STYXL2: variants seen among roughly 807,000 people sequenced by gnomAD.
The protein encoded by STYXL2 is serine/threonine/tyrosine interacting like 2, also known as serine/threonine/tyrosine-interacting-like protein 2.
STYXL2 carries 44 observed loss-of-function variants against 52.4 expected under a neutral mutation model. The ratio of observed to expected loss-of-function variants is 0.84; its 90% CI spans 0.66 to 1.08. STYXL2 has a LOEUF of 1.08. STYXL2 is among the 50% of genes least tolerant of loss of function. The pLI, the probability that STYXL2 is intolerant of heterozygous loss-of-function variation, is 0.00. For synonymous variants in STYXL2, 604 were observed against 586.9 expected, an observed-to-expected ratio of 1.03 and a Z score of -0.42; for missense variants, 1,604 against 1,471.7, an observed-to-expected ratio of 1.09 and a Z score of -1.47.
At chr1:167,125,021 A>T (rs1667933784) in intron 5 of STYXL2, among the ~76,000 whole-genome samples, 2 of 152,160 alleles carry the variant, frequency 1.3e-5, no homozygotes, top group African/African-American at 4.8e-5. Context: ...GTAAGGGAAC[A>T]TGAGAAGATG....
In STYXL2 at chr1:167,126,328, A is replaced by C; in HGVS notation, c.1197A>C (p.Arg399=). ...VERIIQEWQS[R]NERYQAEGYR... The stretch of plus-strand genomic sequence containing the variant: ...GGATCATCCAGGAGTGGCAGAGCCG[A>C]AACGAGAGGTACCAAGCAGAAGGGT... Residue 399 remains arginine, a synonymous_variant, in exon 6 of 6, where the codon CGA becomes CGC. Transcript: ENST00000361200. The C allele has an allele frequency of 1.3e-6, 2 of 1,520,922 alleles. No individual in the cohort carries two copies. The highest frequency in any genetic ancestry group is 1.8e-6 in the Non-Finnish European group (2 of 1,131,424). The allele number at this position is 1,520,922 out of a possible 1,614,324, so 94.2% of individuals were successfully genotyped here. A position where few individuals can be genotyped will look rare whatever the true frequency, so the allele number is the denominator to read the frequency against.
In STYXL2 at chr1:167,127,954, C is replaced by A; in HGVS notation, c.2823C>A (p.Gly941=). The A allele has an allele frequency of 6.2e-7, 1 of 1,614,130 alleles. No homozygotes were observed. The highest frequency in any genetic ancestry group is 8.5e-7 in the Non-Finnish European group (1 of 1,180,012). ...MDSSINKWLS[G]LRTEEKPPFQ... The stretch of plus-strand genomic sequence containing the variant: ...GCAGTATTAATAAGTGGCTCAGTGG[C>A]CTCAGGACGGAGGAAAAACCTCCTT... Residue 941 remains glycine (G), a synonymous_variant, in exon 6 of 6, where the codon GGC becomes GGA. Coordinates refer to ENST00000361200, the MANE Select transcript of STYXL2 (RefSeq NM_001080426.3).
At chr1:167,115,019 G>A (rs759641887) in intron 3 of STYXL2, among the ~76,000 whole-genome samples, 62 of 152,080 alleles carry the variant, frequency 4.1e-4, no homozygotes, top group Non-Finnish European at 7.6e-4. Flanking sequence ...TTCTTGATAA[G>A]TAAAAGTCCA....
intron 2 of STYXL2, among the ~76,000 whole-genome samples, chr1:167,105,167 CT>C (rs931811175): frequency 2.0e-5 from 3 of 150,946 alleles, no homozygotes; most frequent in Non-Finnish European, 2.9e-5. Flanking sequence ...TCCTTCCTTC[CT>C]TTTTTTCTGT....
chr1:167,128,297 G>A lies in STYXL2; in HGVS notation c.3166G>A (p.Glu1056Lys). The A allele has an allele frequency of 6.2e-7, 1 of 1,614,054 alleles. No individual in the cohort carries two copies. Among genetic ancestry groups the A allele is most frequent in the Non-Finnish European group, 8.5e-7 (1 of 1,179,938 alleles). The change falls in exon 6 of 6, where the codon GAA (glutamate) becomes AAA (lysine). Residue 1056 changes from glutamate to lysine, a missense_variant. Glu to Lys is a moderately conservative substitution (Grantham distance 56). Transcript: ENST00000361200. ...PESSEREESP[E>K]PQRPNWARSR... Reference sequence around the variant, plus strand: ...GTCCTCAGAAAGGGAAGAGTCCCCAGAACCACAGCGCCCAAATTGGGCCAG... The same window carrying A: ...GTCCTCAGAAAGGGAAGAGTCCCCAAAACCACAGCGCCCAAATTGGGCCAG...
intron 2 of STYXL2, among the ~76,000 whole-genome samples, chr1:167,105,227 G>A (rs993613126): frequency 6.9e-6 from 1 of 144,612 alleles, no homozygotes; most frequent in African/African-American, 2.8e-5. Context: ...CCACTGAATT[G>A]ATTTTATGAT....
chr1:167,122,335 C>T (rs1250943057), intron 5 of STYXL2, among the ~76,000 whole-genome samples: 4 of 152,142 alleles, frequency 2.6e-5, no homozygotes, highest in African/African-American at 9.7e-5. Flanking sequence ...CTTTCTCTCT[C>T]TACTTCAGAT....
intron 2 of STYXL2, among the ~76,000 whole-genome samples, chr1:167,096,478 G>A (rs1203117315): frequency 2.6e-5 from 4 of 152,150 alleles, no homozygotes; most frequent in Non-Finnish European, 4.4e-5. Flanking sequence ...TTCCAAAACA[G>A]GTACCTGAGC....
Position 167,126,905 on chromosome 1 carries a change from T to C in STYXL2, c.1774T>C (p.Trp592Arg). 1 of 1,611,956 alleles carries C rather than the reference T, an allele frequency of 6.2e-7. No homozygotes were observed. The highest frequency in any genetic ancestry group is 8.5e-7 in the Non-Finnish European group (1 of 1,178,860). ...CGTCAGCCTGACAGCCTACCAGGCC[T>C]GGAAGCTGAAACACCAGAAGAAGGT... ...SDVSLTAYQAWKLKHQKKVGS... is the reference protein window; with the variant it reads ...SDVSLTAYQARKLKHQKKVGS... The change falls in exon 6 of 6, where the codon TGG becomes CGG. Residue 592 changes from tryptophan (W) to arginine (R), a missense_variant. Transcript: ENST00000361200.
intron 2 of STYXL2, among the ~76,000 whole-genome samples, chr1:167,111,469 C>CATTATATATAT (rs1667614586): frequency 1.3e-5 from 1 of 79,906 alleles, no homozygotes; most frequent in African/African-American, 4.3e-5. Flanking sequence ...AAATATGGTA[C>CATTATATATAT]ATATATATAT....
intron 2 of STYXL2, among the ~76,000 whole-genome samples, chr1:167,095,601 T>C (rs1214932889): frequency 6.6e-6 from 1 of 152,142 alleles, no homozygotes; most frequent in Non-Finnish European, 1.5e-5. Flanking sequence ...AAAATGTGCA[T>C]AACATTTTAA....
chr1:167,101,668 G>A lies in STYXL2; in HGVS notation c.110+6709G>A, dbSNP rs146175736. Among the ~76,000 whole-genome samples the A allele has an allele frequency of 6.1e-3, 930 of 152,228 alleles. 10 individuals are homozygous for A. The highest frequency in any genetic ancestry group is 0.021 in the African/African-American group (866 of 41,522). ...AAAATACAAAAATTAGCTGGGTGTGGTGGTGGGCACCTGTAAGCCCAGCTA... is the reference window on the plus strand; with the variant it reads ...AAAATACAAAAATTAGCTGGGTGTGATGGTGGGCACCTGTAAGCCCAGCTA... On this transcript the variant is annotated intron_variant, in intron 2 of 5. Coordinates refer to ENST00000361200, the MANE Select transcript of STYXL2 (RefSeq NM_001080426.3).
At chr1:167,095,701 T>C (rs1667271156) in intron 2 of STYXL2, among the ~76,000 whole-genome samples, 1 of 152,238 alleles carries the variant, frequency 6.6e-6, no homozygotes, top group Admixed American at 6.5e-5. Context: ...CTGTCATAAA[T>C]CATAACAGGA....
At chr1:167,106,622 G>A (rs1163015022) in intron 2 of STYXL2, among the ~76,000 whole-genome samples, 1 of 152,070 alleles carries the variant, frequency 6.6e-6, no homozygotes, top group African/African-American at 2.4e-5. Flanking sequence ...TGTTGAAATG[G>A]AAAATATGAC....
intron 2 of STYXL2, among the ~76,000 whole-genome samples, chr1:167,096,768 C>CT (rs1406447984): frequency 2.6e-5 from 4 of 152,218 alleles, no homozygotes; most frequent in Non-Finnish European, 5.9e-5. Context: ...TAATAGCAGT[C>CT]TCAGCCACAA....
rs537964983 is a variant in STYXL2, at chr1:167,109,785, T to G, written c.111-3925T>G. Among the ~76,000 whole-genome samples, 9 of 152,070 alleles carry G rather than the reference T, an allele frequency of 5.9e-5. No individual in the cohort carries two copies. In the East Asian group the frequency reaches 1.7e-3, roughly 30 times the overall value. Reference sequence around the variant, plus strand: ...AACCAGCTCAAGCCATTACAACAACTCATAAAAGAACAATGCTGCTCTAAG... The same window carrying G: ...AACCAGCTCAAGCCATTACAACAACGCATAAAAGAACAATGCTGCTCTAAG... On this transcript the variant is annotated intron_variant, in intron 2 of 5. Coordinates refer to ENST00000361200, the MANE Select transcript of STYXL2 (RefSeq NM_001080426.3).
At chr1:167,108,272 A>C (rs1370133965) in intron 2 of STYXL2, among the ~76,000 whole-genome samples, 4 of 152,190 alleles carry the variant, frequency 2.6e-5, no homozygotes, top group Non-Finnish European at 5.9e-5. Flanking sequence ...CTAGAGACAC[A>C]GGTAAATAAG....
At chr1:167,122,583 T>C (rs561017463) in intron 5 of STYXL2, among the ~76,000 whole-genome samples, 5 of 152,198 alleles carry the variant, frequency 3.3e-5, no homozygotes, top group African/African-American at 1.2e-4. Flanking sequence ...TATAAAGACA[T>C]ACTGAGAGTG....
rs566505002 is a variant in STYXL2 at position 167,122,096 on chromosome 1, C to T, written c.655+2630C>T. 1.3e-4 allele frequency among the ~76,000 whole-genome samples: 20 copies of T among 152,208 alleles called. No individual in the cohort carries two copies. In the South Asian group the frequency reaches 4.1e-3, roughly 32 times the overall value. ...GGTGTTGTTATTTACATTGTACACA[C>T]TGGGAAGTTGAGACCTATGGAAGAT... On this transcript the variant is annotated intron_variant, in intron 5 of 5. Coordinates refer to ENST00000361200, the MANE Select transcript of STYXL2 (RefSeq NM_001080426.3).
Sources: allele counts gnomAD v4.1 joint callset (sites outside exome capture counted in the v4.1 genomes callset), GRCh38; gene constraint gnomAD v4.1.1; transcripts MANE v1.5; gene names NCBI Gene and HGNC (gene_info 2026-07-23, HGNC 2026-07-21).